MAGI2: variants seen among roughly 807,000 people sequenced by gnomAD.
MAGI2 encodes membrane-associated guanylate kinase, WW and PDZ domain-containing protein 2.
In MAGI2, 35 loss-of-function variants were observed where a neutral mutation model predicts 133.3. That is an observed-to-expected ratio of 0.26 (90% CI 0.20 to 0.35). The LOEUF (loss-of-function observed/expected upper bound fraction) is 0.35, where lower values mean the gene tolerates loss of function less well. Among genes scored for constraint, MAGI2 ranks in the 10% least tolerant of loss-of-function variants. MAGI2 has a pLI of 1.00. For missense variants in MAGI2, 1,636 were observed against 1,863.4 expected (o/e 0.88, Z 2.25); for synonymous variants, 729 against 710.6 (o/e 1.03, Z -0.41).
chr7:79,173,635 A>C (rs1825824496), intron 1 of MAGI2, among the ~76,000 whole-genome samples: 1 of 152,062 alleles, frequency 6.6e-6, no homozygotes, highest in Non-Finnish European at 1.5e-5. Flanking sequence ...TCTAGTGCCG[A>C]GTTTTCTTTA....
rs191817926 is a variant in MAGI2, at chr7:79,144,753, G to T, written c.302-137547C>A. 3.4e-3 allele frequency among the ~76,000 whole-genome samples: 514 copies of T among 152,208 alleles called. 4 individuals carry two copies. Among genetic ancestry groups the T allele is most frequent in the African/African-American group, 0.012 (493 of 41,544 alleles). On this transcript the variant is annotated intron_variant, in intron 1 of 21. Coordinates refer to ENST00000354212, the MANE Select transcript of MAGI2 (RefSeq NM_012301.4). ...ACTGATGATTAAAGATACAAGCAAA[G>T]CTTCCAAAGGTCAAATGTCAGTGCT...
At chr7:78,947,844 A>T (rs559242722) in intron 2 of MAGI2, among the ~76,000 whole-genome samples, 1 of 152,214 alleles carries the variant, frequency 6.6e-6, no homozygotes, top group African/African-American at 2.4e-5. Flanking sequence ...GCTGACCAGT[A>T]TTGGCTCTAA....
intron 6 of MAGI2, among the ~76,000 whole-genome samples, chr7:78,447,653 G>A (rs1202012657): frequency 6.6e-6 from 1 of 152,116 alleles, no homozygotes; most frequent in African/African-American, 2.4e-5. Context: ...CAGAGCAAAA[G>A]AGAAGAGGCC....
intron 1 of MAGI2, among the ~76,000 whole-genome samples, chr7:79,263,308 T>A (rs549557625): frequency 6.6e-6 from 1 of 152,096 alleles, no homozygotes; most frequent in African/African-American, 2.4e-5. Context: ...CCCTCTGAGG[T>A]AGGCACTATA....
chr7:79,241,802 T>G (rs1276542556), intron 1 of MAGI2, among the ~76,000 whole-genome samples: 1 of 152,224 alleles, frequency 6.6e-6, no homozygotes, highest in South Asian at 2.1e-4. Flanking sequence ...TTTTGAGATG[T>G]GTTTCAAACC....
intron 10 of MAGI2, among the ~76,000 whole-genome samples, chr7:78,243,224 TACACACACACACACAC>T (rs539437959): frequency 3.6e-5 from 5 of 140,720 alleles, no homozygotes; most frequent in African/African-American, 1.1e-4. Flanking sequence ...ATGGTTCAGA[TACACACACACACACAC>T]ACACACACAC....
At chr7:79,420,707 T>C (rs1047628788) in intron 1 of MAGI2, among the ~76,000 whole-genome samples, 16 of 151,918 alleles carry the variant, frequency 1.1e-4, no homozygotes, top group Admixed American at 9.9e-4. Context: ...CAAGATTACA[T>C]CATCATGGTG....
chr7:79,370,199 T>G (rs539183283), intron 1 of MAGI2, among the ~76,000 whole-genome samples: 1 of 152,266 alleles, frequency 6.6e-6, no homozygotes, highest in South Asian at 2.1e-4. Flanking sequence ...TATGTCCAAA[T>G]AGACATTGAA....
intron 2 of MAGI2, among the ~76,000 whole-genome samples, chr7:78,966,947 CT>C (rs1333999083): frequency 1.4e-5 from 2 of 145,084 alleles, no homozygotes; most frequent in Non-Finnish European, 3.0e-5. Flanking sequence ...TTTATTTTTA[CT>C]TTTGTTTTTA....
intron 1 of MAGI2, among the ~76,000 whole-genome samples, chr7:79,235,241 T>C (rs1015949682): frequency 4.1e-4 from 63 of 152,124 alleles, no homozygotes; most frequent in Admixed American, 1.3e-3. Flanking sequence ...TTACTGCTGT[T>C]TTTTTGTTTG....
At chr7:78,380,142 AACAC>A (rs3061267) in intron 6 of MAGI2, among the ~76,000 whole-genome samples, 16 of 148,992 alleles carry the variant, frequency 1.1e-4, no homozygotes, top group Non-Finnish European at 1.3e-4. Context: ...CTCTAGGGAC[AACAC>A]ACACACACAC....
At chr7:78,829,143 A>T (rs1046980854) in intron 2 of MAGI2, among the ~76,000 whole-genome samples, 1 of 152,142 alleles carries the variant, frequency 6.6e-6, no homozygotes, top group Non-Finnish European at 1.5e-5. Flanking sequence ...TATTCACCTT[A>T]TAAAAATGTA....
At chr7:78,306,332 A>T (rs191407467) in intron 9 of MAGI2, among the ~76,000 whole-genome samples, 149 of 152,334 alleles carry the variant, frequency 9.8e-4, no homozygotes, top group African/African-American at 3.4e-3. Flanking sequence ...AAAATGGGTT[A>T]TATGATGTAC....
chr7:78,201,162 A>T lies in MAGI2; in HGVS notation c.2079T>A (p.Pro693=). The T allele has an allele frequency of 6.7e-7, 1 of 1,483,118 alleles. No individual in the cohort carries two copies. Among genetic ancestry groups the T allele is most frequent in the Non-Finnish European group, 9.0e-7 (1 of 1,113,430 alleles). The allele number at this position is 1,483,118 out of a possible 1,614,324, so 91.9% of individuals were successfully genotyped here. The stretch of plus-strand genomic sequence containing the variant: ...AAGAAGCATAATAATTCCAACTTAC[A>T]GGCTTTGGAGTTTTCCATGGAGAAA... ...GFFSPWKTPK[P]IMDRWENQGS... The change falls in exon 11 of 22, where the codon CCT becomes CCA. Residue 693 remains proline, a splice_region_variant and synonymous_variant. Coordinates refer to ENST00000354212, the MANE Select transcript of MAGI2 (RefSeq NM_012301.4).
intron 6 of MAGI2, among the ~76,000 whole-genome samples, chr7:78,428,017 G>C (rs958392628): frequency 1.3e-5 from 2 of 152,092 alleles, no homozygotes; most frequent in African/African-American, 4.8e-5. Flanking sequence ...ACGCATAAAT[G>C]AGAAGTTCTC....
At chr7:79,042,414 G>A (rs895269922) in intron 1 of MAGI2, among the ~76,000 whole-genome samples, 3 of 152,106 alleles carry the variant, frequency 2.0e-5, no homozygotes, top group Non-Finnish European at 4.4e-5. Context: ...TTGAGCCTAT[G>A]AGTGTCATTA....
intron 6 of MAGI2, among the ~76,000 whole-genome samples, chr7:78,452,244 G>C (rs1041794833): frequency 6.6e-6 from 1 of 151,942 alleles, no homozygotes; most frequent in Admixed American, 6.6e-5. Flanking sequence ...TTAAGTAGCA[G>C]AATCAGTACA....
intron 2 of MAGI2, among the ~76,000 whole-genome samples, chr7:78,641,679 C>T (rs941673125): frequency 2.0e-5 from 3 of 152,056 alleles, no homozygotes; most frequent in Non-Finnish European, 4.4e-5. Context: ...TTAAGTGTAA[C>T]ATTTCATGTG....
intron 2 of MAGI2, among the ~76,000 whole-genome samples, chr7:78,676,723 T>C (rs1385923880): frequency 1.3e-5 from 2 of 152,140 alleles, no homozygotes; most frequent in Non-Finnish European, 2.9e-5. Flanking sequence ...TATGGATGAA[T>C]AATCATACCT....
Sources: allele counts gnomAD v4.1 joint callset (sites outside exome capture counted in the v4.1 genomes callset), GRCh38; gene constraint gnomAD v4.1.1; transcripts MANE v1.5; gene names NCBI Gene and HGNC (gene_info 2026-07-23, HGNC 2026-07-21).